The following PKHD1 variants were observed in gnomAD, a reference collection of about 807,000 sequenced individuals.
The protein encoded by PKHD1 is PKHD1 ciliary IPT domain containing fibrocystin/polyductin, also known as fibrocystin.
PKHD1 carries 291 observed loss-of-function variants against 412.0 expected under a neutral mutation model. The ratio of observed to expected loss-of-function variants is 0.71; its 90% CI spans 0.64 to 0.78. The LOEUF is 0.78. Among genes scored for constraint, PKHD1 ranks in the 30% least tolerant of loss-of-function variants. PKHD1 has a pLI of 0.00. For synonymous variants in PKHD1, 1,777 were observed against 1,821.5 expected, an observed-to-expected ratio of 0.98 and a Z score of 0.62; for missense variants, 4,825 against 4,950.7, an observed-to-expected ratio of 0.97 and a Z score of 0.76.
chr6:51,667,080 A>T (rs1253106926), intron 60 of PKHD1, among the ~76,000 whole-genome samples: 2 of 148,632 alleles, frequency 1.3e-5, no homozygotes, highest in African/African-American at 5.0e-5. Context: ...TGGCTGGGTC[A>T]AATGGTATTT....
At chr6:51,906,654 G>C (rs1321520) in intron 40 of PKHD1, among the ~76,000 whole-genome samples, 5 of 152,114 alleles carry the variant, frequency 3.3e-5, no homozygotes, top group Non-Finnish European at 7.4e-5. Flanking sequence ...TTTAGTATCA[G>C]CTTTCATCAT....
At chr6:51,973,879 G>A (rs998665949) in intron 35 of PKHD1, among the ~76,000 whole-genome samples, 30 of 152,116 alleles carry the variant, frequency 2.0e-4, no homozygotes, top group Non-Finnish European at 4.1e-4. Context: ...ATAGTTCAGG[G>A]ATAATGAAAG....
intron 60 of PKHD1, among the ~76,000 whole-genome samples, chr6:51,709,520 T>C (rs541964486): frequency 6.6e-6 from 1 of 152,330 alleles, no homozygotes; most frequent in African/African-American, 2.4e-5. Context: ...GAAGATTTTC[T>C]AGAGACCATT....
chr6:51,990,870 C>T (rs954308505), intron 35 of PKHD1, among the ~76,000 whole-genome samples: 1 of 152,116 alleles, frequency 6.6e-6, no homozygotes, highest in Non-Finnish European at 1.5e-5. Flanking sequence ...CATTATTAGC[C>T]ACAGGGCCTA....
intron 35 of PKHD1, among the ~76,000 whole-genome samples, chr6:51,985,735 A>T (rs1393146424): frequency 1.3e-5 from 2 of 152,178 alleles, no homozygotes; most frequent in Non-Finnish European, 2.9e-5. Context: ...TCTCAAAAAA[A>T]TAATAATAAT....
At chr6:51,766,376 G>C (rs1789008007) in intron 55 of PKHD1, among the ~76,000 whole-genome samples, 1 of 151,944 alleles carries the variant, frequency 6.6e-6, no homozygotes. Flanking sequence ...ACAAAACTAG[G>C]CTAGTATGTA....
chr6:51,750,967 G>C (rs1786023976), intron 57 of PKHD1, among the ~76,000 whole-genome samples: 1 of 152,046 alleles, frequency 6.6e-6, no homozygotes, highest in Non-Finnish European at 1.5e-5. Flanking sequence ...AGTAGAGGCA[G>C]GGTTTCACCA....
At chr6:51,926,812 TAGAC>T (rs1785711755) in intron 37 of PKHD1, among the ~76,000 whole-genome samples, 1 of 152,162 alleles carries the variant, frequency 6.6e-6, no homozygotes, top group African/African-American at 2.4e-5. Context: ...GAAGTATTGT[TAGAC>T]AGAACAGAAA....
chr6:51,924,003 A>G (rs1785135848), intron 37 of PKHD1, among the ~76,000 whole-genome samples: 1 of 152,210 alleles, frequency 6.6e-6, no homozygotes, highest in Non-Finnish European at 1.5e-5. Flanking sequence ...TTCAGGCTTC[A>G]CAGGGTGGTT....
chr6:51,642,997 G>C (rs976890627), intron 63 of PKHD1, among the ~76,000 whole-genome samples: 3 of 152,108 alleles, frequency 2.0e-5, no homozygotes. Context: ...GTAGACAATG[G>C]GGAGGTGAGT....
intron 34 of PKHD1, among the ~76,000 whole-genome samples, chr6:52,017,131 C>T (rs1800659734): frequency 1.3e-5 from 2 of 152,182 alleles, no homozygotes; most frequent in Admixed American, 1.3e-4. Flanking sequence ...CCAGATGTTG[C>T]TTTGGATCGG....
Position 51,906,157 on chromosome 6 carries a change from T to C in PKHD1, c.6808+58A>G. The stretch of plus-strand genomic sequence containing the variant: ...AATTAGAAATTTGGGGAGAATTCAT[T>C]GTGAAAAACTGTGTCCTACACAAGA... On this transcript the variant is annotated intron_variant, in intron 41 of 66. Transcript: ENST00000371117. The C allele has an allele frequency of 8.9e-6, 13 of 1,465,570 alleles. No homozygotes were observed. In the South Asian group the frequency reaches 1.5e-4, roughly 17 times the overall value. 90.8% of individuals were successfully genotyped at this position (1,465,570 alleles called of 1,614,324 possible).
intron 52 of PKHD1, among the ~76,000 whole-genome samples, chr6:51,802,242 C>G (rs1396281921): frequency 6.8e-6 from 1 of 147,232 alleles, no homozygotes; most frequent in Non-Finnish European, 1.5e-5. Flanking sequence ...GCAAAAACAA[C>G]AACAACAACA....
chr6:51,892,634 C>T (rs1283870639), intron 43 of PKHD1, among the ~76,000 whole-genome samples: 1 of 152,156 alleles, frequency 6.6e-6, no homozygotes, highest in African/African-American at 2.4e-5. Flanking sequence ...TCCAGTATCC[C>T]ATCTCCAAAT....
At chr6:52,053,006 T>C (rs1807107482) in intron 21 of PKHD1, 70 bp downstream of exon 21, 2 of 1,448,522 alleles carry the variant, frequency 1.4e-6, no homozygotes, top group Non-Finnish European at 1.9e-6. Flanking sequence ...AAAAAAACAG[T>C]AACCCCTAGC....
chr6:51,854,230 A>G (rs1562468581), intron 49 of PKHD1, among the ~76,000 whole-genome samples: 1 of 151,808 alleles, frequency 6.6e-6, no homozygotes, highest in Non-Finnish European at 1.5e-5. Context: ...TTCAGGCCCT[A>G]TTCATCTGAT....
At chr6:51,772,193 T>C (rs572905731) in intron 55 of PKHD1, among the ~76,000 whole-genome samples, 2 of 152,212 alleles carry the variant, frequency 1.3e-5, no homozygotes, top group South Asian at 4.1e-4. Context: ...CCTAGTCTTA[T>C]CCTCTGTGTT....
chr6:51,643,175 A>G (rs189399355), intron 63 of PKHD1, among the ~76,000 whole-genome samples: 1 of 152,342 alleles, frequency 6.6e-6, no homozygotes, highest in Admixed American at 6.5e-5. Context: ...GCACTGAAAA[A>G]TGAACAGAAT....
chr6:51,646,454 G>C (rs1375082677), intron 63 of PKHD1, among the ~76,000 whole-genome samples: 1 of 152,138 alleles, frequency 6.6e-6, no homozygotes, highest in Non-Finnish European at 1.5e-5. Context: ...TTATGTTGGA[G>C]GGAGGCAGGT....
Sources: gnomAD v4.1 joint callset for allele counts (sites outside exome capture counted in the v4.1 genomes callset) on GRCh38, gnomAD v4.1.1 for gene constraint, MANE v1.5 for transcripts, NCBI Gene and HGNC (gene_info 2026-07-23, HGNC 2026-07-21) for gene names.